CCNI2: variants seen among roughly 807,000 people sequenced by gnomAD.
The protein encoded by CCNI2 is cyclin I family member 2.
In CCNI2, 32 loss-of-function variants were observed where a neutral mutation model predicts 33.2. The observed-to-expected ratio is 0.96, with a 90% CI of 0.73 to 1.30. The LOEUF is 1.30. Ranked by LOEUF, CCNI2 falls within the 50% of genes most tolerant of loss-of-function variation. CCNI2 has a pLI of 0.00. For missense variants in CCNI2, 452 were observed against 486.2 expected (o/e 0.93, Z 0.66); for synonymous variants, 231 against 219.9 (o/e 1.05, Z -0.45).
downstream of CCNI2, among the ~76,000 whole-genome samples, chr5:132,755,634 G>A (rs920721840): frequency 6.6e-6 from 1 of 152,200 alleles, no homozygotes; most frequent in Non-Finnish European, 1.5e-5. Flanking sequence ...GTTCCGAGCA[G>A]TCCTGGCACT....
downstream of CCNI2, chr5:132,756,000 A>AAACTC (rs1755294391): frequency 9.1e-6 from 9 of 985,448 alleles, no homozygotes; most frequent in South Asian, 3.8e-4. Flanking sequence ...GACACCACAA[A>AAACTC]AACTCAAAAT....
Position 132,753,097 on chromosome 5 carries a change from A to AT in CCNI2, c.*127_*128insT. On this transcript the variant is annotated 3_prime_UTR_variant, in exon 6 of 6. Coordinates refer to ENST00000378731, the MANE Select transcript of CCNI2 (RefSeq NM_001039780.4). ...AGGTGGCTCTGGAAGAGCAACTGAG[A>AT]AAAAGTTCCCAACTGAGCCCTTGGA... The AT allele has an allele frequency of 5.3e-6, 4 of 749,330 alleles. No homozygotes were observed. The South Asian group carries it at 6.9e-5, about 13-fold the overall frequency. The allele number at this position is 749,330 out of a possible 1,614,324, so 46.4% of individuals were successfully genotyped here. A position where few individuals can be genotyped will look rare whatever the true frequency, so the allele number is the denominator to read the frequency against.
chr5:132,753,273 C>T lies in CCNI2; in HGVS notation c.*303C>T. ...TTCAAATGGCAGCTTGTTTTACCTT[C>T]CTTCTCCAGCAAGGGTTGGCATTGG... On this transcript the variant is annotated 3_prime_UTR_variant, in exon 6 of 6. Transcript: ENST00000378731. 3.0e-6 allele frequency: 1 copy of T among 338,136 alleles called. No homozygotes were observed. Among genetic ancestry groups the T allele is most frequent in the South Asian group, 4.6e-5 (1 of 21,786 alleles). 20.9% of individuals were successfully genotyped at this position (338,136 alleles called of 1,614,324 possible).
At chr5:132,751,317 ATATC>A (rs1328612362) in intron 4 of CCNI2, 1 of 246,458 alleles carries the variant, frequency 4.1e-6, no homozygotes, top group East Asian at 9.1e-5. Flanking sequence ...CTGTACATAA[ATATC>A]TGTCTGCTTT....
At chr5:132,752,595 C>T (rs113589579) in intron 5 of CCNI2, among the ~76,000 whole-genome samples, 6 of 152,022 alleles carry the variant, frequency 3.9e-5, no homozygotes, top group Non-Finnish European at 5.9e-5. Context: ...TACAGGGGTA[C>T]CATGAGGCAA....
At position 132,751,952 on chromosome 5, in the gene CCNI2, A is replaced by T; in HGVS notation, c.775-14A>T. 1 of 1,598,618 alleles carries T rather than the reference A, an allele frequency of 6.3e-7. No homozygotes were observed. Among genetic ancestry groups the T allele is most frequent in the Non-Finnish European group, 8.5e-7 (1 of 1,172,106 alleles). Reference sequence around the variant, plus strand: ...GGCGTTTTCTGTTCTAACATTAAAAACCATGGTCTCCAGTTCCATGCCCTG... The same window carrying T: ...GGCGTTTTCTGTTCTAACATTAAAATCCATGGTCTCCAGTTCCATGCCCTG... On this transcript the variant is annotated splice_polypyrimidine_tract_variant and intron_variant, in intron 4 of 5. Coordinates refer to ENST00000378731, the MANE Select transcript of CCNI2 (RefSeq NM_001039780.4).
chr5:132,750,756 C>A, intron 3 of CCNI2, 101 bp from the exon 4 acceptor site: 1 of 1,231,198 alleles, frequency 8.1e-7, no homozygotes, highest in Non-Finnish European at 1.1e-6. Context: ...CACAGGAAGA[C>A]AACTCCACTA....
chr5:132,749,574 A>G (rs1318037618), intron 3 of CCNI2, 152 bp downstream of exon 3: 4 of 656,868 alleles, frequency 6.1e-6, no homozygotes, highest in South Asian at 1.8e-5. Context: ...TATCCCTTCC[A>G]TCGGCTTGTC....
Position 132,748,602 on chromosome 5 carries a change from G to C in CCNI2, c.558+127G>C, listed in dbSNP as rs1056596248. ...CAAGGTGTATAAACTAACTTGCTCC[G>C]AGTGGAAGAGCTGGTGTTGGAACCT... On this transcript the variant is annotated intron_variant, in intron 2 of 5. Coordinates refer to ENST00000378731, the MANE Select transcript of CCNI2 (RefSeq NM_001039780.4). 6 of 1,139,760 alleles carry C rather than the reference G, an allele frequency of 5.3e-6. No individual in the cohort carries two copies. In the African/African-American group the frequency reaches 9.3e-5, roughly 18 times the overall value. The allele number at this position is 1,139,760 out of a possible 1,614,324, so 70.6% of individuals were successfully genotyped here.
At chr5:132,748,017 A>G in intron 1 of CCNI2, 93 bp downstream of exon 1, 1 of 1,274,248 alleles carries the variant, frequency 7.8e-7, no homozygotes, top group South Asian at 1.9e-5. Flanking sequence ...CTGAAACTGG[A>G]GGCCGGGCCC....
Position 132,747,735 on chromosome 5 carries a change from C to T in CCNI2, c.240C>T (p.Arg80=), listed in dbSNP as rs1360904292. 1 of 1,472,544 alleles carries T rather than the reference C, an allele frequency of 6.8e-7. No homozygotes were observed. The highest frequency in any genetic ancestry group is 8.9e-7 in the Non-Finnish European group (1 of 1,120,126). 91.2% of individuals were successfully genotyped at this position (1,472,544 alleles called of 1,614,324 possible). A position where few individuals can be genotyped will look rare whatever the true frequency, so the allele number is the denominator to read the frequency against. ...CAGCAGTCCCCGTGCGGCCCCGGCG[C>T]GGTACGGCGCCAGCCGGGAAAACCG... The part of the protein sequence containing the change: ...ASAAVPVRPR[R]GTAPAGKTAD... The change falls in exon 1 of 6, where the codon CGC becomes CGT. Residue 80 remains arginine (R), a synonymous_variant. Coordinates refer to ENST00000378731, the MANE Select transcript of CCNI2 (RefSeq NM_001039780.4). The surrounding 1 kb of genome is among the most constrained non-coding windows in gnomAD (Gnocchi z 4.1).
At chr5:132,748,246 T>C in intron 1 of CCNI2, 101 bp from the exon 2 acceptor site, 1 of 1,493,000 alleles carries the variant, frequency 6.7e-7, no homozygotes, top group Non-Finnish European at 9.0e-7. Context: ...GACTTCTCAC[T>C]GCCCCACCCC....
At position 132,752,907 on chromosome 5, in the gene CCNI2, G is replaced by A. The variant is rs1346094240; in HGVS notation, c.1047G>A (p.Met349Ile). The A allele has an allele frequency of 6.2e-7, 1 of 1,614,154 alleles. No homozygotes were observed. Among genetic ancestry groups the A allele is most frequent in the South Asian group, 1.1e-5 (1 of 91,082 alleles). ...ACAGCTGCTGCAAGGAACTTGTAAT[G>A]CAGCAACTGAGAAGTCTTCAGTCAT... ...MQYSCCKELV[M>I]QQLRSLQSSS... Residue 349 changes from methionine (M) to isoleucine (I), a missense_variant, in exon 6 of 6, where the codon ATG (methionine) becomes ATA (isoleucine). Met to Ile is a conservative substitution (Grantham distance 10, BLOSUM62 1). Transcript: ENST00000378731.
chr5:132,752,183 TAAAG>T lies in CCNI2; in HGVS notation c.997_1000del (p.Lys333HisfsTer15). ...TGGTGTGCTCCTATATCTGATCTGCTAAAGAAAGCACAGGTAGACATCAACTTTG... is the reference window on the plus strand; with the variant it reads ...TGGTGTGCTCCTATATCTGATCTGCTAAAGCACAGGTAGACATCAACTTTG... On this transcript the variant is annotated frameshift_variant, in exon 5 of 6. Coordinates refer to ENST00000378731, the MANE Select transcript of CCNI2 (RefSeq NM_001039780.4). LOFTEE classifies it high-confidence loss of function. 6.3e-7 allele frequency: 1 copy of T among 1,578,044 alleles called. No individual in the cohort carries two copies. Among genetic ancestry groups the T allele is most frequent in the Non-Finnish European group, 8.6e-7 (1 of 1,160,356 alleles).
At chr5:132,751,738 T>C (rs563890635) in intron 4 of CCNI2, 2 of 591,122 alleles carry the variant, frequency 3.4e-6, no homozygotes, top group Middle Eastern at 4.4e-4. Flanking sequence ...ATAACGATGA[T>C]GTCACAAAGC....
At chr5:132,755,861 A>T, downstream of CCNI2, 1 of 660,736 alleles carries the variant, frequency 1.5e-6, no homozygotes, top group Non-Finnish European at 1.9e-6. Context: ...GTTTCCTATT[A>T]AAACAATTCC....
rs369590698 is a variant in CCNI2, at chr5:132,753,018, C to T, written c.*48C>T. ...CTTTCAGAGCATAGTGTGAAACCTCCTTGCTTGGACTACCATGAGTTCTTT... is the reference window on the plus strand; with the variant it reads ...CTTTCAGAGCATAGTGTGAAACCTCTTTGCTTGGACTACCATGAGTTCTTT... On this transcript the variant is annotated 3_prime_UTR_variant, in exon 6 of 6. Coordinates refer to ENST00000378731, the MANE Select transcript of CCNI2 (RefSeq NM_001039780.4). The T allele has an allele frequency of 2.4e-4, 333 of 1,396,772 alleles. No homozygotes were observed. Among genetic ancestry groups the T allele is most frequent in the Non-Finnish European group, 3.0e-4 (294 of 984,108 alleles). 86.5% of individuals were successfully genotyped at this position (1,396,772 alleles called of 1,614,324 possible).
rs1755030263 is a variant in CCNI2, at chr5:132,753,387, C to G, written c.*417C>G. ...CTAGCTCTGACCAGTTCTTGCTGCTCTACCTGCCAGAGCTGGCCAGGTCCT... is the reference window on the plus strand; with the variant it reads ...CTAGCTCTGACCAGTTCTTGCTGCTGTACCTGCCAGAGCTGGCCAGGTCCT... On this transcript the variant is annotated 3_prime_UTR_variant, in exon 6 of 6. Transcript: ENST00000378731. The G allele has an allele frequency of 5.4e-6, 1 of 184,428 alleles. No individual in the cohort carries two copies. The allele number at this position is 184,428 out of a possible 1,614,324, so 11.4% of individuals were successfully genotyped here. A position where few individuals can be genotyped will look rare whatever the true frequency, so the allele number is the denominator to read the frequency against.
Position 132,753,309 on chromosome 5 carries a change from C to T in CCNI2, c.*339C>T, listed in dbSNP as rs993435069. 2 of 272,372 alleles carry T rather than the reference C, an allele frequency of 7.3e-6. No homozygotes were observed. The highest frequency in any genetic ancestry group is 7.4e-5 in the East Asian group (1 of 13,440). 16.9% of individuals were successfully genotyped at this position (272,372 alleles called of 1,614,324 possible). A position where few individuals can be genotyped will look rare whatever the true frequency, so the allele number is the denominator to read the frequency against. ...AAGGGTTGGCATTGGCCCCTGGGAG[C>T]GCTGGAATATGAAACCAAGAGGCAG... is the stretch of plus-strand genomic sequence containing the variant. On this transcript the variant is annotated 3_prime_UTR_variant, in exon 6 of 6. Coordinates refer to ENST00000378731, the MANE Select transcript of CCNI2 (RefSeq NM_001039780.4).
Sources: gnomAD v4.1 joint callset for allele counts (sites outside exome capture counted in the v4.1 genomes callset) on GRCh38, gnomAD v4.1.1 for gene constraint, Gnocchi (gnomAD v3.1) non-coding constraint, MANE v1.5 for transcripts, NCBI Gene and HGNC (gene_info 2026-07-23, HGNC 2026-07-21) for gene names.